Variants in ZYG11B observed in about 807,000 individuals in gnomAD.
ZYG11B encodes the protein protein zyg-11 homolog B.
Under a neutral mutation model 82.4 loss-of-function variants are expected in ZYG11B, and 36 were observed. The observed-to-expected ratio is 0.44, with a 90% CI of 0.33 to 0.58. The LOEUF (loss-of-function observed/expected upper bound fraction) is 0.58. Among genes scored for constraint, ZYG11B ranks in the 20% least tolerant of loss-of-function variants. The probability of loss-of-function intolerance (pLI) is 0.02; values close to 1 mark genes in which losing one functional copy is unlikely to be tolerated. For missense variants in ZYG11B, 552 were observed against 895.6 expected (o/e 0.62, Z 4.90); for synonymous variants, 303 against 312.8 (o/e 0.97, Z 0.33).
chr1:52,749,690 G>A lies in ZYG11B; in HGVS notation c.31-6768G>A, dbSNP rs138147872. Among the ~76,000 whole-genome samples the A allele has an allele frequency of 0.01, 1,540 of 151,794 alleles. 18 individuals carry two copies. In the Middle Eastern group the frequency reaches 0.13, roughly 13 times the overall value. ...GCGATCTTGGCTCACCGCAACCTCC[G>A]CCTCCCGGGTTGCCACCACGCTTGG... is the stretch of plus-strand genomic sequence containing the variant. On this transcript the variant is annotated intron_variant, in intron 1 of 13. Coordinates refer to ENST00000294353, the MANE Select transcript of ZYG11B (RefSeq NM_024646.3).
rs1645307055 is a variant in ZYG11B, at chr1:52,824,202, G to A, written c.*2573G>A. 1 of 151,946 alleles carries A rather than the reference G, an allele frequency of 6.6e-6. No individual in the cohort carries two copies. The highest frequency in any genetic ancestry group is 1.5e-5 in the Non-Finnish European group (1 of 68,020). The allele number at this position is 151,946 out of a possible 1,614,324, so 9.4% of individuals were successfully genotyped here. ...GACAGAGTTTCACTCTGTCGCCCAA[G>A]CTGGAGTGCAGTGGCACAATCATAC... is the stretch of plus-strand genomic sequence containing the variant. On this transcript the variant is annotated 3_prime_UTR_variant, in exon 14 of 14. Coordinates refer to ENST00000294353, the MANE Select transcript of ZYG11B (RefSeq NM_024646.3).
intron 2 of ZYG11B, among the ~76,000 whole-genome samples, chr1:52,759,971 C>T (rs141063647): frequency 0.021 from 3,144 of 152,210 alleles, 42 homozygotes; most frequent in South Asian, 0.047. Flanking sequence ...GCTGGGGTTA[C>T]AGGCATGTGC....
chr1:52,820,005 C>T (rs1405922413), intron 13 of ZYG11B, among the ~76,000 whole-genome samples: 2 of 151,042 alleles, frequency 1.3e-5, no homozygotes, highest in Non-Finnish European at 2.9e-5. Flanking sequence ...AGCTCCGCCT[C>T]CCACTTCACG....
rs59444202 is a variant in ZYG11B, at chr1:52,773,628, T to TATATATATATA, written c.951+1854_951+1855insATATATATATA. On this transcript the variant is annotated intron_variant, in intron 3 of 13. Coordinates refer to ENST00000294353, the MANE Select transcript of ZYG11B (RefSeq NM_024646.3). ...ATATATATATATATATATATATATA[T>TATATATATATA]TTTTTTTTTTTTTTTTTTTTTTTTT... 2.2e-3 allele frequency among the ~76,000 whole-genome samples: 29 copies of TATATATATATA among 13,154 alleles called. 1 individual carries two copies. The highest frequency in any genetic ancestry group is 0.014 in the South Asian group (3 of 214). The allele number at this position is 13,154 out of a possible 152,430, so 8.6% of individuals were successfully genotyped here.
At chr1:52,762,977 G>GGC (rs1553259199) in intron 2 of ZYG11B, among the ~76,000 whole-genome samples, 768 of 76,652 alleles carry the variant, frequency 0.01, 14 homozygotes, top group African/African-American at 0.088. Flanking sequence ...GTGAGAGATT[G>GGC]GGGGGGGGGG....
intron 6 of ZYG11B, among the ~76,000 whole-genome samples, chr1:52,791,832 A>G (rs1482451265): frequency 6.6e-6 from 1 of 152,216 alleles, no homozygotes; most frequent in Non-Finnish European, 1.5e-5. Flanking sequence ...TATTTTGGGA[A>G]TATTGAACCT....
At chr1:52,761,710 G>A (rs1644633061) in intron 2 of ZYG11B, among the ~76,000 whole-genome samples, 1 of 152,154 alleles carries the variant, frequency 6.6e-6, no homozygotes, top group Non-Finnish European at 1.5e-5. Context: ...CCAGTAGTGG[G>A]ATTGCTGGAT....
Position 52,771,229 on chromosome 1 carries a change from C to A in ZYG11B, c.406C>A (p.Gln136Lys). 6.2e-7 allele frequency: 1 copy of A among 1,614,214 alleles called. No individual in the cohort carries two copies. Among genetic ancestry groups the A allele is most frequent in the East Asian group, 2.2e-5 (1 of 44,884 alleles). ...GCTTGGCAGTAACAAATGGATCCAG[C>A]AGAATCTCCAGTGCCTGGTGCTGAA... ...SGLGSNKWIQ[Q>K]NLQCLVLNSL... Residue 136 changes from glutamine (Q) to lysine (K), a missense_variant, in exon 3 of 14, where the codon CAG becomes AAG. Physicochemically the swap from Gln to Lys is moderately conservative, Grantham distance 53. Coordinates refer to ENST00000294353, the MANE Select transcript of ZYG11B (RefSeq NM_024646.3). The surrounding 1 kb of genome is among the most constrained non-coding windows in gnomAD (Gnocchi z 5.4).
At chr1:52,783,997 T>TATAGAGAGAGAG (rs543071878) in intron 4 of ZYG11B, among the ~76,000 whole-genome samples, 6 of 142,302 alleles carry the variant, frequency 4.2e-5, no homozygotes, top group African/African-American at 1.6e-4. Flanking sequence ...TATATATATA[T>TATAGAGAGAGAG]AGAGAGAGAG....
At chr1:52,797,468 T>TATTATATATTATATATAATATAATAA (rs1558137885) in intron 8 of ZYG11B, among the ~76,000 whole-genome samples, 1 of 110,560 alleles carries the variant, frequency 9.0e-6, no homozygotes, top group East Asian at 2.6e-4. Flanking sequence ...ATGATATATA[T>TATTATATATTATATATAATATAATAA]ATTATATATG....
chr1:52,792,673 A>G (rs1644969521), intron 6 of ZYG11B, among the ~76,000 whole-genome samples: 2 of 152,166 alleles, frequency 1.3e-5, no homozygotes, highest in Admixed American at 1.3e-4. Context: ...GAATTGTTTT[A>G]TGTTGTTGAA....
intron 4 of ZYG11B, among the ~76,000 whole-genome samples, chr1:52,782,372 G>A (rs557175970): frequency 6.6e-6 from 1 of 151,172 alleles, no homozygotes; most frequent in South Asian, 2.1e-4. Context: ...GATTATAGGA[G>A]TGAGCCACTT....
intron 3 of ZYG11B, chr1:52,772,255 T>C (rs1334154195): frequency 9.1e-6 from 12 of 1,321,942 alleles, no homozygotes; most frequent in Non-Finnish European, 1.1e-6. Flanking sequence ...GAGGACTCGC[T>C]TGGTCTTATA....
chr1:52,803,175 TATATATATATATACAC>T (rs1558140330), intron 10 of ZYG11B, among the ~76,000 whole-genome samples: 5 of 41,202 alleles, frequency 1.2e-4, no homozygotes, highest in African/African-American at 6.0e-4. Context: ...TATACACACA[TATATATATATATACAC>T]ATATATATAT....
intron 2 of ZYG11B, among the ~76,000 whole-genome samples, chr1:52,769,346 C>T (rs751093484): frequency 3.9e-5 from 6 of 152,018 alleles, no homozygotes; most frequent in South Asian, 2.1e-4. Context: ...ACAAGTGCAA[C>T]GAGTTTTAAT....
At chr1:52,797,424 A>G (rs972167491) in intron 8 of ZYG11B, among the ~76,000 whole-genome samples, 45 of 87,740 alleles carry the variant, frequency 5.1e-4, no homozygotes, top group Non-Finnish European at 6.8e-4. Flanking sequence ...TATATTATAC[A>G]TATTATATAT....
chr1:52,814,679 G>A (rs1318296489), intron 12 of ZYG11B, among the ~76,000 whole-genome samples: 4 of 149,504 alleles, frequency 2.7e-5, no homozygotes, highest in African/African-American at 5.0e-5. Flanking sequence ...CAGCCTGAGT[G>A]ACAGAGCAAG....
chr1:52,773,619 A>ATTTTTTTT (rs1644775311), intron 3 of ZYG11B, among the ~76,000 whole-genome samples: 1 of 23,846 alleles, frequency 4.2e-5, no homozygotes, highest in Non-Finnish European at 9.1e-5. Flanking sequence ...ATATATATAT[A>ATTTTTTTT]TATATATATT....
chr1:52,790,050 A>G lies in ZYG11B; in HGVS notation c.1317A>G (p.Gln439=), dbSNP rs1644943690. 2.5e-6 allele frequency: 4 copies of G among 1,594,404 alleles called. No individual in the cohort carries two copies. The highest frequency in any genetic ancestry group is 2.7e-5 in the African/African-American group (2 of 74,712). The part of the protein sequence containing the change: ...LLSLCSDRIL[Q]DVPFNRFEAA... ...CACTTTGCAGTGACCGGATCCTTCA[A>G]GATGTTCCATTTAACAGGCAAGTGA... The change falls in exon 6 of 14, where the codon CAA becomes CAG. Residue 439 remains glutamine (Q), a synonymous_variant. Coordinates refer to ENST00000294353, the MANE Select transcript of ZYG11B (RefSeq NM_024646.3).
Sources: allele counts gnomAD v4.1 joint callset (sites outside exome capture counted in the v4.1 genomes callset), GRCh38; gene constraint gnomAD v4.1.1; non-coding constraint Gnocchi (gnomAD v3.1); transcripts MANE v1.5; gene names NCBI Gene and HGNC (gene_info 2026-07-23, HGNC 2026-07-21).